DCAF6: variants seen among roughly 807,000 people sequenced by gnomAD.
DCAF6 encodes DDB1- and CUL4-associated factor 6.
In DCAF6, 54 loss-of-function variants were observed where a neutral mutation model predicts 125.1. The observed-to-expected ratio is 0.43, with a 90% CI of 0.35 to 0.54. The LOEUF (loss-of-function observed/expected upper bound fraction) is 0.54, where lower values mean the gene tolerates loss of function less well. Ranked by LOEUF, DCAF6 falls within the 20% of genes least tolerant of loss-of-function variation. The pLI, the probability that DCAF6 is intolerant of heterozygous loss-of-function variation, is 0.01. For missense variants in DCAF6, 934 were observed against 1,161.7 expected (o/e 0.80, Z 2.85); for synonymous variants, 371 against 390.4 (o/e 0.95, Z 0.58).
the DCAF6 span, among the ~76,000 whole-genome samples, chr1:167,867,778 G>GA: frequency 8.0e-4 from 114 of 141,846 alleles, no homozygotes; most frequent in Middle Eastern, 3.5e-3. Flanking sequence ...TCTTTAAACT[G>GA]AAAAAAAAAA....
At chr1:167,992,894 CTT>C (rs1182317728) in intron 6 of DCAF6, among the ~76,000 whole-genome samples, 1 of 151,996 alleles carries the variant, frequency 6.6e-6, no homozygotes, top group Non-Finnish European at 1.5e-5. Context: ...AATTTGTTAT[CTT>C]AATTTGGGGG....
At chr1:167,870,173 A>C in the DCAF6 span, 3 of 1,483,736 alleles carry the variant, frequency 2.0e-6, no homozygotes, top group African/African-American at 4.1e-5. Flanking sequence ...AATTTACATA[A>C]GGCAAGTTAT....
chr1:167,906,439 T>C, the DCAF6 span, among the ~76,000 whole-genome samples: 2 of 151,630 alleles, frequency 1.3e-5, no homozygotes, highest in Admixed American at 1.3e-4. Context: ...ATAGATAAAA[T>C]TAAATCAAAT....
intron 12 of DCAF6, among the ~76,000 whole-genome samples, chr1:168,034,003 C>T (rs998909560): frequency 3.3e-5 from 5 of 152,160 alleles, no homozygotes; most frequent in Non-Finnish European, 7.3e-5. Flanking sequence ...GAAGATACAA[C>T]ATAGTTTTCC....
chr1:168,063,509 T>G, intron 17 of DCAF6, 112 bp from the exon 18 acceptor site: 156 of 900,946 alleles, frequency 1.7e-4, no homozygotes, highest in East Asian at 5.6e-4. Flanking sequence ...GGTGCCTTAT[T>G]GAGATAGTGT....
the DCAF6 span, among the ~76,000 whole-genome samples, chr1:167,908,331 C>T: frequency 1.3e-5 from 2 of 152,104 alleles, no homozygotes; most frequent in Non-Finnish European, 2.9e-5. Flanking sequence ...AACGATCTCA[C>T]TTATATATGG....
intron 2 of DCAF6, among the ~76,000 whole-genome samples, chr1:167,961,346 C>T (rs778630694): frequency 3.3e-5 from 5 of 152,004 alleles, no homozygotes; most frequent in African/African-American, 7.2e-5. Flanking sequence ...GGGTTCATGC[C>T]ATTCTTCTGC....
chr1:167,939,894 G>T (rs915661807), intron 1 of DCAF6, among the ~76,000 whole-genome samples: 1 of 152,032 alleles, frequency 6.6e-6, no homozygotes, highest in African/African-American at 2.4e-5. Flanking sequence ...TAAACATTAC[G>T]ATTGTCTATC....
chr1:167,949,918 A>G (rs1268458941), intron 1 of DCAF6, among the ~76,000 whole-genome samples: 1 of 152,216 alleles, frequency 6.6e-6, no homozygotes, highest in Non-Finnish European at 1.5e-5. Context: ...AGTTTGCTCT[A>G]GAAGCACACT....
intron 2 of DCAF6, among the ~76,000 whole-genome samples, chr1:167,960,939 GA>G (rs1253055182): frequency 1.1e-4 from 17 of 152,240 alleles, no homozygotes; most frequent in African/African-American, 4.1e-4. Context: ...GGGAATAATT[GA>G]CATCTTGAAA....
chr1:167,959,833 C>A (rs772881350), intron 2 of DCAF6, among the ~76,000 whole-genome samples: 43 of 152,082 alleles, frequency 2.8e-4, no homozygotes, highest in Non-Finnish European at 4.4e-4. Flanking sequence ...TTGACATTGT[C>A]TTTTGCAGGG....
At chr1:167,944,611 T>C (rs1359795504) in intron 1 of DCAF6, among the ~76,000 whole-genome samples, 1 of 152,176 alleles carries the variant, frequency 6.6e-6, no homozygotes, top group African/African-American at 2.4e-5. Flanking sequence ...TTTTGAAAAA[T>C]GTCTATTCAT....
intron 11 of DCAF6, among the ~76,000 whole-genome samples, chr1:168,016,210 A>G (rs539349398): frequency 1.3e-5 from 2 of 152,206 alleles, no homozygotes; most frequent in Non-Finnish European, 2.9e-5. Flanking sequence ...AATATTTATT[A>G]CTTTTAAAGC....
intron 4 of DCAF6, among the ~76,000 whole-genome samples, chr1:167,986,169 G>T (rs1457307530): frequency 1.3e-5 from 2 of 152,182 alleles, no homozygotes; most frequent in African/African-American, 4.8e-5. Flanking sequence ...TAGTGCTGCT[G>T]TGAACATTCT....
intron 1 of DCAF6, chr1:167,937,297 CG>C (rs2102586802): frequency 4.6e-6 from 2 of 434,006 alleles, no homozygotes; most frequent in East Asian, 9.6e-5. Flanking sequence ...GGTTGGGACT[CG>C]GGAGACTTGC....
At chr1:168,044,096 A>C (rs1688864459) in intron 14 of DCAF6, among the ~76,000 whole-genome samples, 1 of 152,110 alleles carries the variant, frequency 6.6e-6, no homozygotes, top group Non-Finnish European at 1.5e-5. Flanking sequence ...TCCGTCCATG[A>C]TAGTGTTTGT....
chr1:167,920,427 T>C, the DCAF6 span: 8 of 1,008,984 alleles, frequency 7.9e-6, no homozygotes, highest in African/African-American at 1.6e-5. Context: ...GACATAATAC[T>C]GTTAATTCCT....
At chr1:167,991,792 A>G (rs564314289) in intron 6 of DCAF6, among the ~76,000 whole-genome samples, 8 of 151,874 alleles carry the variant, frequency 5.3e-5, no homozygotes, top group East Asian at 3.9e-4. Context: ...TTTACATGCA[A>G]TTTTCCCTGT....
intron 12 of DCAF6, among the ~76,000 whole-genome samples, chr1:168,031,617 A>G (rs2103312480): frequency 6.6e-6 from 1 of 152,280 alleles, no homozygotes; most frequent in Admixed American, 6.5e-5. Flanking sequence ...TGTCTACCTC[A>G]TTTGTTTTCA....
Sources: allele counts gnomAD v4.1 joint callset (sites outside exome capture counted in the v4.1 genomes callset), GRCh38; gene constraint gnomAD v4.1.1; transcripts MANE v1.5; gene names NCBI Gene and HGNC (gene_info 2026-07-23, HGNC 2026-07-21).